STX2: variants seen among roughly 807,000 people sequenced by gnomAD.
STX2 encodes syntaxin-2.
A neutral mutation model predicts 40.6 loss-of-function variants in STX2; 27 were observed. That is an observed-to-expected ratio of 0.66 (90% CI 0.49 to 0.92). The LOEUF (loss-of-function observed/expected upper bound fraction) is 0.92. STX2 is among the 40% of genes least tolerant of loss of function. STX2 has a pLI of 0.00. For synonymous variants in STX2, 123 were observed against 119.1 expected, an observed-to-expected ratio of 1.03 and a Z score of -0.22; for missense variants, 328 against 366.1, an observed-to-expected ratio of 0.90 and a Z score of 0.85.
At chr12:130,818,185 A>AAAAAATATATATATATATATAT in intron 3 of STX2, among the ~76,000 whole-genome samples, 15 of 70,524 alleles carry the variant, frequency 2.1e-4, no homozygotes, top group Non-Finnish European at 1.8e-4. Flanking sequence ...AAAAAAAAAA[A>AAAAAATATATATATATATATAT]ATATATATAT....
chr12:130,799,763 A>T (rs940671963), intron 8 of STX2, among the ~76,000 whole-genome samples: 4 of 151,510 alleles, frequency 2.6e-5, no homozygotes, highest in African/African-American at 9.7e-5. Context: ...GCAGTGAGCC[A>T]AGATTGTACC....
chr12:130,820,996 T>C (rs1952090844), intron 3 of STX2, among the ~76,000 whole-genome samples: 1 of 152,192 alleles, frequency 6.6e-6, no homozygotes, highest in East Asian at 1.9e-4. Context: ...CTCTTCTCTA[T>C]AGCTCCCACG....
At chr12:130,831,682 AT>A (rs1306519687) in intron 1 of STX2, among the ~76,000 whole-genome samples, 1 of 152,164 alleles carries the variant, frequency 6.6e-6, no homozygotes, top group Non-Finnish European at 1.5e-5. Flanking sequence ...CAGTTTGTAA[AT>A]ATGGTGCTAA....
chr12:130,804,229 T>C (rs934105654), intron 6 of STX2, among the ~76,000 whole-genome samples: 11 of 152,182 alleles, frequency 7.2e-5, no homozygotes, highest in Non-Finnish European at 1.2e-4. Flanking sequence ...GTAAGAAACC[T>C]GCCTGATGAC....
At chr12:130,837,803 G>C (rs973387090) in intron 1 of STX2, among the ~76,000 whole-genome samples, 1 of 152,154 alleles carries the variant, frequency 6.6e-6, no homozygotes, top group South Asian at 2.1e-4. Context: ...ACTATAATTT[G>C]CTGTGTTTAA....
intron 3 of STX2, among the ~76,000 whole-genome samples, chr12:130,817,830 G>A (rs887449315): frequency 4.6e-5 from 7 of 152,056 alleles, no homozygotes; most frequent in South Asian, 2.1e-4. Flanking sequence ...AATATCCTTC[G>A]AGAATAATAC....
At chr12:130,833,431 G>C (rs1409607419) in intron 1 of STX2, among the ~76,000 whole-genome samples, 1 of 130,998 alleles carries the variant, frequency 7.6e-6, no homozygotes, top group African/African-American at 2.8e-5. Context: ...TTTTTTTTGA[G>C]ATGGATTCCC....
At position 130,802,498 on chromosome 12, in the gene STX2, C is replaced by T. The variant is rs555346536; in HGVS notation, c.464-1010G>A. 2.1e-3 allele frequency among the ~76,000 whole-genome samples: 323 copies of T among 151,972 alleles called. 1 individual carries two copies. The highest frequency in any genetic ancestry group is 7.2e-3 in the African/African-American group (298 of 41,464). On this transcript the variant is annotated intron_variant, in intron 6 of 10. Transcript: ENST00000392373. ...CAGGTGTGAGCCACCGTACCCAGCC[C>T]TTTTTATTTTTTTAACAAAGATACG...
chr12:130,821,892 C>T, intron 2 of STX2, 104 bp from the exon 3 acceptor site: 1 of 657,974 alleles, frequency 1.5e-6, no homozygotes, highest in Non-Finnish European at 2.6e-6. Context: ...ATAATTACCA[C>T]ATAAGAAATA....
Position 130,791,903 on chromosome 12 carries a change from G to T in STX2, c.*120C>A, listed in dbSNP as rs4759786. ...AATGGCTCTTGGGATATGGTTGCTA[G>T]GACAATGTTGTTGCTAGGATAATTC... On this transcript the variant is annotated 3_prime_UTR_variant, in exon 11 of 11. Transcript: ENST00000392373. 1 allele frequency: 1,605,026 copies of T among 1,611,344 alleles called. 799,544 individuals are homozygous for T. Among genetic ancestry groups the T allele is most frequent in the East Asian group, 1 (44,790 of 44,790 alleles).
At chr12:130,818,185 A>AAAAAATATATATATATAT in intron 3 of STX2, among the ~76,000 whole-genome samples, 83 of 70,486 alleles carry the variant, frequency 1.2e-3, no homozygotes, top group Non-Finnish European at 1.6e-3. Flanking sequence ...AAAAAAAAAA[A>AAAAAATATATATATATAT]ATATATATAT....
chr12:130,816,687 T>C (rs921765514), intron 3 of STX2, among the ~76,000 whole-genome samples: 2 of 151,762 alleles, frequency 1.3e-5, no homozygotes, highest in African/African-American at 4.8e-5. Flanking sequence ...TAAAATAAAA[T>C]AATTAAAAAA....
At position 130,791,415 on chromosome 12, in the gene STX2, A is replaced by T. The variant is rs1298641994; in HGVS notation, c.*608T>A. ...GTGGCCCATGCCTGTAATCCCAGCT[A>T]CTCGGGAGGCTGAGGCAGGAGAATT... On this transcript the variant is annotated 3_prime_UTR_variant, in exon 11 of 11. Coordinates refer to ENST00000392373, the MANE Select transcript of STX2 (RefSeq NM_194356.4). 1 of 152,430 alleles carries T rather than the reference A, an allele frequency of 6.6e-6. No individual in the cohort carries two copies. The highest frequency in any genetic ancestry group is 2.4e-5 in the African/African-American group (1 of 41,334). The allele number at this position is 152,430 out of a possible 1,614,324, so 9.4% of individuals were successfully genotyped here.
intron 2 of STX2, among the ~76,000 whole-genome samples, chr12:130,825,177 C>A (rs756103785): frequency 5.3e-5 from 8 of 152,016 alleles, no homozygotes; most frequent in Non-Finnish European, 8.8e-5. Flanking sequence ...GCTGGGATTA[C>A]AGGCACTTGC....
chr12:130,792,437 C>T (rs762270704), intron 10 of STX2, among the ~76,000 whole-genome samples: 2 of 152,268 alleles, frequency 1.3e-5, no homozygotes, highest in Non-Finnish European at 1.5e-5. Context: ...AAACTTTAAA[C>T]GAATTTCTTG....
chr12:130,812,708 C>A, intron 4 of STX2: 1 of 378,634 alleles, frequency 2.6e-6, no homozygotes, highest in Non-Finnish European at 4.7e-6. Context: ...AGCCTGGCAA[C>A]TCACCTTCCC....
chr12:130,790,608 A>G lies in STX2; in HGVS notation c.*1415T>C, dbSNP rs2136996499. On this transcript the variant is annotated 3_prime_UTR_variant, in exon 11 of 11. Transcript: ENST00000392373. ...GAAATTAACTTTTAAAAGTTCAGCA[A>G]AACATTAGGTACTTAACAACATGTA... 1 of 152,378 alleles carries G rather than the reference A, an allele frequency of 6.6e-6. No individual in the cohort carries two copies. The highest frequency in any genetic ancestry group is 1.9e-4 in the East Asian group (1 of 5,196). 9.4% of individuals were successfully genotyped at this position (152,378 alleles called of 1,614,324 possible).
chr12:130,821,874 G>A, intron 2 of STX2, 86 bp from the exon 3 acceptor site: 1 of 741,106 alleles, frequency 1.3e-6, no homozygotes, highest in Non-Finnish European at 2.2e-6. Context: ...AATAAAGGAG[G>A]GAAATAAATA....
intron 6 of STX2, 82 bp from the exon 7 acceptor site, chr12:130,801,570 T>C: frequency 7.1e-7 from 1 of 1,410,580 alleles, no homozygotes; most frequent in Non-Finnish European, 9.4e-7. Context: ...AGTTAGCAAC[T>C]ACAATCATAG....
Sources: gnomAD v4.1 joint callset for allele counts (sites outside exome capture counted in the v4.1 genomes callset) on GRCh38, gnomAD v4.1.1 for gene constraint, MANE v1.5 for transcripts, NCBI Gene and HGNC (gene_info 2026-07-23, HGNC 2026-07-21) for gene names.